The following WWOX variants were observed in gnomAD, a reference collection of about 807,000 sequenced individuals.
WWOX encodes the protein WW domain containing oxidoreductase.
Under a neutral mutation model 46.2 loss-of-function variants are expected in WWOX, and 69 were observed. The observed-to-expected ratio is 1.49, with a 90% confidence interval of 1.23 to 1.82. The LOEUF is 1.82. Ranked by LOEUF, WWOX falls within the 40% of genes most tolerant of loss-of-function variation. WWOX has a pLI of 0.00. For synonymous variants in WWOX, 359 were observed against 202.6 expected, an observed-to-expected ratio of 1.77 and a Z score of -6.56; for missense variants, 919 against 542.6, an observed-to-expected ratio of 1.69 and a Z score of -6.89.
chr16:78,808,849 C>T, intron 8 of WWOX, among the ~76,000 whole-genome samples: 1 of 152,128 alleles, frequency 6.6e-6, no homozygotes, highest in Non-Finnish European at 1.5e-5. Context: ...TCTACGGCTG[C>T]CCCTCATTTG....
chr16:78,961,107 C>G (rs747413750), intron 8 of WWOX, among the ~76,000 whole-genome samples: 1 of 152,110 alleles, frequency 6.6e-6, no homozygotes, highest in Admixed American at 6.6e-5. Context: ...GCAAGTTCCC[C>G]TGAAAGAAAG....
chr16:78,392,271 T>C (rs926296592), intron 6 of WWOX, among the ~76,000 whole-genome samples: 1 of 152,080 alleles, frequency 6.6e-6, no homozygotes, highest in African/African-American at 2.4e-5. Context: ...GTGATCCCTA[T>C]TGTGAGCCAC....
chr16:79,006,799 A>C (rs1042432374), intron 8 of WWOX, among the ~76,000 whole-genome samples: 3 of 152,026 alleles, frequency 2.0e-5, no homozygotes, highest in African/African-American at 7.2e-5. Context: ...TCCATCTTCA[A>C]AGCCAACAGC....
At chr16:78,534,800 C>G (rs1440892703) in intron 8 of WWOX, among the ~76,000 whole-genome samples, 1 of 152,016 alleles carries the variant, frequency 6.6e-6, no homozygotes. Flanking sequence ...ACCTCCACCT[C>G]CCGGGTTCAA....
intron 8 of WWOX, among the ~76,000 whole-genome samples, chr16:78,792,850 A>G (rs117855422): frequency 0.035 from 5,254 of 152,096 alleles, 117 homozygotes; most frequent in Non-Finnish European, 0.05. Flanking sequence ...CTCTCTGCTC[A>G]CCCCGGGGAT....
At chr16:78,625,426 T>C (rs1204907187) in intron 8 of WWOX, among the ~76,000 whole-genome samples, 1 of 152,192 alleles carries the variant, frequency 6.6e-6, no homozygotes, top group African/African-American at 2.4e-5. Context: ...TGCTTTTCTA[T>C]ATGCTGTTGT....
At chr16:79,023,559 C>T (rs1013699901) in intron 8 of WWOX, among the ~76,000 whole-genome samples, 7 of 152,134 alleles carry the variant, frequency 4.6e-5, no homozygotes, top group Non-Finnish European at 5.9e-5. Flanking sequence ...AGTGACCATC[C>T]ACCACAGGCA....
chr16:78,831,199 C>G (rs931064382), intron 8 of WWOX, among the ~76,000 whole-genome samples: 1 of 152,164 alleles, frequency 6.6e-6, no homozygotes, highest in Admixed American at 6.5e-5. Context: ...AGCACCATCT[C>G]TGTGACTTTC....
intron 8 of WWOX, among the ~76,000 whole-genome samples, chr16:78,557,219 T>C (rs537348208): frequency 2.7e-5 from 4 of 147,726 alleles, no homozygotes; most frequent in Non-Finnish European, 6.0e-5. Flanking sequence ...GAAAGACCAA[T>C]TATCATGATT....
chr16:78,325,905 A>G (rs746489549), intron 5 of WWOX, among the ~76,000 whole-genome samples: 13 of 152,270 alleles, frequency 8.5e-5, no homozygotes, highest in Non-Finnish European at 1.6e-4. Flanking sequence ...ATTAAAGGCT[A>G]TGAAATGATG....
intron 6 of WWOX, among the ~76,000 whole-genome samples, chr16:78,402,668 C>A (rs146173928): frequency 1.6e-4 from 24 of 152,110 alleles, no homozygotes; most frequent in African/African-American, 5.8e-4. Context: ...TACAAGTCCA[C>A]GATCAAAGCC....
At chr16:78,631,212 C>G (rs1249963257) in intron 8 of WWOX, among the ~76,000 whole-genome samples, 2 of 152,146 alleles carry the variant, frequency 1.3e-5, no homozygotes, top group African/African-American at 4.8e-5. Flanking sequence ...GACAACTGTA[C>G]AAATCACATT....
intron 8 of WWOX, among the ~76,000 whole-genome samples, chr16:78,700,503 T>A (rs1346684394): frequency 6.6e-6 from 1 of 152,138 alleles, no homozygotes; most frequent in Non-Finnish European, 1.5e-5. Flanking sequence ...ACATATTCAG[T>A]CCATAGCATG....
intron 8 of WWOX, among the ~76,000 whole-genome samples, chr16:78,459,297 T>C (rs1318016267): frequency 6.6e-5 from 10 of 152,144 alleles, no homozygotes; most frequent in Non-Finnish European, 2.9e-5. Flanking sequence ...CTCCAAGAAA[T>C]TTGCCTATTT....
chr16:78,159,020 CAT>C (rs1198622330), intron 4 of WWOX, among the ~76,000 whole-genome samples: 1 of 152,098 alleles, frequency 6.6e-6, no homozygotes, highest in Non-Finnish European at 1.5e-5. Context: ...TAAATTGTAT[CAT>C]GTAGTATTTG....
intron 5 of WWOX, among the ~76,000 whole-genome samples, chr16:78,249,580 G>A (rs1470605805): frequency 6.6e-6 from 1 of 152,182 alleles, no homozygotes. Context: ...AGCCTCGGCT[G>A]GTTTCAGCAT....
At chr16:78,733,072 C>A (rs2049003697) in intron 8 of WWOX, among the ~76,000 whole-genome samples, 1 of 152,142 alleles carries the variant, frequency 6.6e-6, no homozygotes, top group Non-Finnish European at 1.5e-5. Context: ...AAACCATGTT[C>A]CCCAAACTTC....
chr16:78,620,458 C>T (rs919934373), intron 8 of WWOX, among the ~76,000 whole-genome samples: 1 of 152,134 alleles, frequency 6.6e-6, no homozygotes, highest in Non-Finnish European at 1.5e-5. Flanking sequence ...AAACTTGGTC[C>T]CTGGATGGGA....
chr16:79,046,852 T>C (rs997716544), intron 8 of WWOX, among the ~76,000 whole-genome samples: 1 of 152,184 alleles, frequency 6.6e-6, no homozygotes, highest in Non-Finnish European at 1.5e-5. Context: ...TTCTTCCATT[T>C]CTAGTCCTTC....
Sources: allele counts gnomAD v4.1 joint callset (sites outside exome capture counted in the v4.1 genomes callset), GRCh38; gene constraint gnomAD v4.1.1; transcripts MANE v1.5; gene names NCBI Gene and HGNC (gene_info 2026-07-23, HGNC 2026-07-21).